The following ADGRB3 variants were observed in gnomAD, a reference collection of about 807,000 sequenced individuals.
The protein encoded by ADGRB3 is adhesion G protein-coupled receptor B3.
A neutral mutation model predicts 193.4 loss-of-function variants in ADGRB3; 37 were observed. The observed-to-expected ratio is 0.19, with a 90% CI of 0.15 to 0.25. The LOEUF (loss-of-function observed/expected upper bound fraction) is 0.25, where lower values mean the gene tolerates loss of function less well. Ranked by LOEUF, ADGRB3 falls within the 10% of genes least tolerant of loss-of-function variation. The probability of loss-of-function intolerance (pLI) is 1.00; values close to 1 mark genes in which losing one functional copy is unlikely to be tolerated. For synonymous variants in ADGRB3, 690 were observed against 644.2 expected (o/e 1.07, Z -1.08); for missense variants, 1,637 against 1,852.9 (o/e 0.88, Z 2.14).
chr6:68,925,684 G>C (rs988941129), intron 3 of ADGRB3, among the ~76,000 whole-genome samples: 1 of 151,862 alleles, frequency 6.6e-6, no homozygotes, highest in African/African-American at 2.4e-5. Flanking sequence ...TTGTAGTTGA[G>C]GGCATTCCAG....
intron 20 of ADGRB3, among the ~76,000 whole-genome samples, chr6:69,264,288 G>A (rs879015733): frequency 6.6e-6 from 1 of 151,834 alleles, no homozygotes; most frequent in Admixed American, 6.6e-5. Context: ...ACTAGAAACC[G>A]CCATGGCTAT....
At chr6:69,048,598 A>G (rs1035608964) in intron 14 of ADGRB3, among the ~76,000 whole-genome samples, 4 of 152,148 alleles carry the variant, frequency 2.6e-5, no homozygotes. Flanking sequence ...TTCAATATTC[A>G]TGGTTTTATA....
chr6:69,365,535 A>G (rs1769549743), intron 29 of ADGRB3, among the ~76,000 whole-genome samples: 1 of 152,070 alleles, frequency 6.6e-6, no homozygotes, highest in South Asian at 2.1e-4. Flanking sequence ...AAACACCTTA[A>G]GTGGTTTCTG....
At position 68,661,415 on chromosome 6, in the gene ADGRB3, GTATATATATGTGTATACA is replaced by G. The variant is rs1768637888; in HGVS notation, c.757+21997_757+22014del. On this transcript the variant is annotated intron_variant, in intron 3 of 31. Transcript: ENST00000370598. ...TGTGTGTATACATATATATGTGTGTGTATATATATGTGTATACATATATATATGTGTGTATACATATAT... is the reference window on the plus strand; with the variant it reads ...TGTGTGTATACATATATATGTGTGTGTATATATATGTGTGTATACATATAT... Among the ~76,000 whole-genome samples the G allele has an allele frequency of 2.9e-5, 2 of 68,452 alleles. 1 individual carries two copies. Among genetic ancestry groups the G allele is most frequent in the African/African-American group, 1.4e-4 (2 of 14,280 alleles). 44.9% of individuals were successfully genotyped at this position (68,452 alleles called of 152,430 possible). A position where few individuals can be genotyped will look rare whatever the true frequency, so the allele number is the denominator to read the frequency against.
At chr6:69,374,854 C>T (rs762290237) in intron 30 of ADGRB3, among the ~76,000 whole-genome samples, 1 of 152,052 alleles carries the variant, frequency 6.6e-6, no homozygotes. Context: ...TTATTGGACA[C>T]TGTACCTGAG....
chr6:69,034,435 G>A (rs2793457), intron 13 of ADGRB3, among the ~76,000 whole-genome samples: 119,645 of 150,686 alleles, frequency 0.79, 48,332 homozygotes, highest in East Asian at 0.93. Flanking sequence ...AGAAGCAAAT[G>A]TATTATTTTG....
At chr6:69,136,986 C>A (rs141333700) in intron 17 of ADGRB3, among the ~76,000 whole-genome samples, 2 of 150,980 alleles carry the variant, frequency 1.3e-5, no homozygotes, top group Admixed American at 1.3e-4. Flanking sequence ...AAAATCGTAT[C>A]TTTTTCCAAT....
intron 3 of ADGRB3, among the ~76,000 whole-genome samples, chr6:68,913,281 T>C (rs1002200945): frequency 1.3e-5 from 2 of 151,692 alleles, no homozygotes; most frequent in Non-Finnish European, 2.9e-5. Context: ...GCAGCCTAAC[T>C]GGGAGGCACC....
At chr6:69,244,464 A>G (rs553134479) in intron 20 of ADGRB3, among the ~76,000 whole-genome samples, 55 of 152,226 alleles carry the variant, frequency 3.6e-4, no homozygotes, top group African/African-American at 1.3e-3. Flanking sequence ...TCTTTTGCCA[A>G]TAGTCCCAGC....
intron 3 of ADGRB3, among the ~76,000 whole-genome samples, chr6:68,874,228 G>A (rs987436255): frequency 2.6e-5 from 4 of 152,066 alleles, no homozygotes; most frequent in Admixed American, 6.6e-5. Context: ...TGAAATGCAC[G>A]ATTTTGCATA....
chr6:68,971,815 C>T (rs1768579691), intron 8 of ADGRB3, among the ~76,000 whole-genome samples: 1 of 152,238 alleles, frequency 6.6e-6, no homozygotes, highest in Non-Finnish European at 1.5e-5. Context: ...ACCGCTTCCC[C>T]TTCATTGGCA....
intron 13 of ADGRB3, among the ~76,000 whole-genome samples, chr6:69,026,807 T>TAGATAAGC (rs1302918546): frequency 7.2e-5 from 11 of 152,264 alleles, no homozygotes; most frequent in Admixed American, 2.0e-4. Flanking sequence ...TGCCTAAACG[T>TAGATAAGC]AGATAAGCTG....
At chr6:69,093,332 A>G (rs2150318356) in intron 17 of ADGRB3, among the ~76,000 whole-genome samples, 1 of 151,554 alleles carries the variant, frequency 6.6e-6, no homozygotes, top group Middle Eastern at 3.5e-3. Context: ...GTTCAGTGGT[A>G]GATGGGTGTG....
At chr6:69,280,063 A>G (rs1383455476) in intron 20 of ADGRB3, among the ~76,000 whole-genome samples, 1 of 152,160 alleles carries the variant, frequency 6.6e-6, no homozygotes, top group Non-Finnish European at 1.5e-5. Flanking sequence ...CATTCCTCAA[A>G]AGAGAGCTGA....
chr6:69,232,946 A>G, intron 17 of ADGRB3: 1 of 442,068 alleles, frequency 2.3e-6, no homozygotes, highest in Non-Finnish European at 4.0e-6. Context: ...CAATCCGATG[A>G]GCATAGGAAG....
At chr6:68,820,633 G>T (rs992766772) in intron 3 of ADGRB3, among the ~76,000 whole-genome samples, 13 of 151,620 alleles carry the variant, frequency 8.6e-5, no homozygotes, top group Admixed American at 4.6e-4. Flanking sequence ...AACCATCCCC[G>T]CTTCTCTCTC....
chr6:68,905,692 CG>C (rs1279623753), intron 3 of ADGRB3, among the ~76,000 whole-genome samples: 1 of 152,144 alleles, frequency 6.6e-6, no homozygotes, highest in Non-Finnish European at 1.5e-5. Context: ...ATCATCCCCA[CG>C]TCTCCTTGCT....
chr6:68,736,815 T>C (rs531882155), intron 3 of ADGRB3, among the ~76,000 whole-genome samples: 2 of 152,194 alleles, frequency 1.3e-5, no homozygotes, highest in Non-Finnish European at 2.9e-5. Flanking sequence ...CAGAAAAGTT[T>C]ATCCCAGTAC....
intron 17 of ADGRB3, among the ~76,000 whole-genome samples, chr6:69,163,264 A>G (rs868544185): frequency 2.6e-5 from 4 of 152,036 alleles, no homozygotes; most frequent in Non-Finnish European, 4.4e-5. Flanking sequence ...TTTTCTTACT[A>G]CTACTTTAGC....
Sources: gnomAD v4.1 joint callset for allele counts (sites outside exome capture counted in the v4.1 genomes callset) on GRCh38, gnomAD v4.1.1 for gene constraint, MANE v1.5 for transcripts, NCBI Gene and HGNC (gene_info 2026-07-23, HGNC 2026-07-21) for gene names.